Variants in PARVB observed in about 807,000 individuals in gnomAD.
The protein encoded by PARVB is beta-parvin.
PARVB carries 46 observed loss-of-function variants against 47.0 expected under a neutral mutation model. The ratio of observed to expected loss-of-function variants is 0.98; its 90% CI spans 0.77 to 1.25. The LOEUF is 1.25. Ranked by LOEUF, PARVB falls within the 50% of genes most tolerant of loss-of-function variation. The probability of loss-of-function intolerance (pLI) is 0.00; values close to 1 mark genes in which losing one functional copy is unlikely to be tolerated. For missense variants in PARVB, 473 were observed against 471.6 expected, an observed-to-expected ratio of 1.00 and a Z score of -0.03; for synonymous variants, 196 against 196.3, an observed-to-expected ratio of 1.00 and a Z score of 0.01.
intron 8 of PARVB, chr22:44,140,440 G>A: frequency 1.4e-6 from 1 of 700,174 alleles, no homozygotes; most frequent in East Asian, 2.8e-5. Context: ...AACTGTCAGG[G>A]GCTGGAGCAA....
At chr22:44,151,108 C>A (rs868121144) in intron 9 of PARVB, 7 of 171,526 alleles carry the variant, frequency 4.1e-5, no homozygotes, top group Middle Eastern at 2.6e-3. Flanking sequence ...CTGAGTATGC[C>A]GTTTATTGTT....
At chr22:44,110,112 C>CAAAAAAA (rs59049954) in intron 3 of PARVB, 3 of 76,714 alleles carry the variant, frequency 3.9e-5, no homozygotes, top group Non-Finnish European at 7.2e-5. Context: ...GACTCCGTCT[C>CAAAAAAA]AAAAAAAAAA....
intron 9 of PARVB, chr22:44,148,582 A>AT (rs2053737761): frequency 6.3e-6 from 1 of 158,162 alleles, no homozygotes; most frequent in South Asian, 1.8e-4. Flanking sequence ...AGGAGCGCTC[A>AT]TTTCAACCCA....
chr22:44,002,558 G>A lies in PARVB; in HGVS notation c.211+2885G>A, dbSNP rs949800134. Among the ~76,000 whole-genome samples the A allele has an allele frequency of 3.9e-5, 6 of 152,232 alleles. No individual in the cohort carries two copies. In the South Asian group the frequency reaches 1.0e-3, roughly 26 times the overall value. ...GCAGAGGCGGGTGCGTGGTCTCTGC[G>A]CTCCGTGGGGTGGGTAAGAACCTGC... On this transcript the variant is annotated intron_variant, in intron 2 of 13. Transcript: ENST00000406477.
Position 44,171,382 on chromosome 22 carries a change from C to T in PARVB, c.*2704C>T, listed in dbSNP as rs1012551176. 1 of 151,742 alleles carries T rather than the reference C, an allele frequency of 6.6e-6. No homozygotes were observed. Among genetic ancestry groups the T allele is most frequent in the Non-Finnish European group, 1.5e-5 (1 of 68,022 alleles). 9.4% of individuals were successfully genotyped at this position (151,742 alleles called of 1,614,324 possible). Reference sequence around the variant, plus strand: ...ATGGTATGTATGCCTGTAATCCCAGCTATTCGGGAGGCTGAGGCAGGAGAA... The same window carrying T: ...ATGGTATGTATGCCTGTAATCCCAGTTATTCGGGAGGCTGAGGCAGGAGAA... On this transcript the variant is annotated 3_prime_UTR_variant, in exon 13 of 13. Transcript: ENST00000338758.
At chr22:44,157,606 C>CA (rs2053962925) in intron 10 of PARVB, among the ~76,000 whole-genome samples, 1 of 152,122 alleles carries the variant, frequency 6.6e-6, no homozygotes, top group African/African-American at 2.4e-5. Flanking sequence ...CAGCTGGGTA[C>CA]AGTGGCTCCC....
At chr22:44,057,594 C>G (rs1371132034) in intron 1 of PARVB, among the ~76,000 whole-genome samples, 1 of 151,920 alleles carries the variant, frequency 6.6e-6, no homozygotes, top group South Asian at 2.1e-4. Context: ...TGCCTTAGGT[C>G]AGCTCAGGAG....
At chr22:44,003,962 A>G (rs1052046373) in intron 2 of PARVB, among the ~76,000 whole-genome samples, 2 of 151,716 alleles carry the variant, frequency 1.3e-5, no homozygotes, top group Admixed American at 1.3e-4. Flanking sequence ...AGGGCTGGCC[A>G]CTCCCCTTCT....
intron 2 of PARVB, among the ~76,000 whole-genome samples, chr22:44,005,072 A>C (rs2050450399): frequency 6.6e-6 from 1 of 152,204 alleles, no homozygotes; most frequent in Non-Finnish European, 1.5e-5. Flanking sequence ...CAGCTCTTTA[A>C]AAATCAATGA....
At chr22:44,066,856 T>C (rs1378998453) in intron 1 of PARVB, among the ~76,000 whole-genome samples, 1 of 111,192 alleles carries the variant, frequency 9.0e-6, no homozygotes, top group African/African-American at 3.7e-5. Flanking sequence ...TTCTTCTTCC[T>C]TTTTTTTCTT....
intron 1 of PARVB, among the ~76,000 whole-genome samples, chr22:44,090,587 G>A (rs781620800): frequency 6.6e-5 from 10 of 152,222 alleles, no homozygotes; most frequent in Non-Finnish European, 1.2e-4. Flanking sequence ...GCCTCGAAGC[G>A]TTGACCACTT....
Position 44,066,785 on chromosome 22 carries a change from TCCTC to T in PARVB, c.113-27141_113-27138del, listed in dbSNP as rs1420939043. Among the ~76,000 whole-genome samples, 2 of 133,900 alleles carry T rather than the reference TCCTC, an allele frequency of 1.5e-5. 1 individual carries two copies. The allele number at this position is 133,900 out of a possible 152,430, so 87.8% of individuals were successfully genotyped here. A position where few individuals can be genotyped will look rare whatever the true frequency, so the allele number is the denominator to read the frequency against. On this transcript the variant is annotated intron_variant, in intron 1 of 12. Transcript: ENST00000338758. ...ACATCAGTCCCTTAATTATTTCTCC[TCCTC>T]CTCCTCCTCCTCCTCCTCCTCCTCC...
chr22:44,035,485 C>T (rs2050904717), intron 1 of PARVB, among the ~76,000 whole-genome samples: 2 of 151,880 alleles, frequency 1.3e-5, no homozygotes, highest in Non-Finnish European at 2.9e-5. Flanking sequence ...ATTCTCCTGC[C>T]TCAGCCTCCC....
chr22:44,050,417 C>T (rs986016746), intron 1 of PARVB, among the ~76,000 whole-genome samples: 1 of 151,620 alleles, frequency 6.6e-6, no homozygotes, highest in Non-Finnish European at 1.5e-5. Context: ...CATCTCAGCT[C>T]ACTGCAACCT....
intron 1 of PARVB, among the ~76,000 whole-genome samples, chr22:44,032,307 A>G (rs982874909): frequency 1.3e-4 from 20 of 152,210 alleles, no homozygotes; most frequent in Non-Finnish European, 2.8e-4. Flanking sequence ...TAGTAACATG[A>G]TCAGCCCTGG....
intron 10 of PARVB, 41 bp from the exon 11 acceptor site, chr22:44,157,941 T>A: frequency 1.4e-6 from 2 of 1,470,788 alleles, no homozygotes; most frequent in Non-Finnish European, 1.9e-6. Context: ...ATTTGCCAAC[T>A]CCTTACCCTG....
At chr22:44,064,830 G>T (rs1352896399) in intron 1 of PARVB, among the ~76,000 whole-genome samples, 1 of 152,210 alleles carries the variant, frequency 6.6e-6, no homozygotes, top group African/African-American at 2.4e-5. Context: ...CTTCAGCCTG[G>T]GTGACAGAGT....
intron 4 of PARVB, among the ~76,000 whole-genome samples, chr22:44,121,423 A>G (rs1047936236): frequency 1.3e-5 from 2 of 152,198 alleles, no homozygotes; most frequent in Non-Finnish European, 2.9e-5. Context: ...TCTCTAAATT[A>G]TGCTAAATAT....
chr22:44,079,537 G>A (rs891256308), intron 1 of PARVB, among the ~76,000 whole-genome samples: 1 of 152,212 alleles, frequency 6.6e-6, no homozygotes, highest in Non-Finnish European at 1.5e-5. Context: ...CAGAGGGTGA[G>A]GGAATCTGAC....
Sources: allele counts gnomAD v4.1 joint callset (sites outside exome capture counted in the v4.1 genomes callset), GRCh38; gene constraint gnomAD v4.1.1; transcripts MANE v1.5; gene names NCBI Gene and HGNC (gene_info 2026-07-23, HGNC 2026-07-21).